The following GOSR2 variants were observed in gnomAD, a reference collection of about 807,000 sequenced individuals.
GOSR2 encodes golgi SNAP receptor complex member 2, also known as 27 kDa Golgi SNARE protein.
GOSR2 carries 20 observed loss-of-function variants against 27.9 expected under a neutral mutation model. The ratio of observed to expected loss-of-function variants is 0.72; its 90% CI spans 0.50 to 1.04. The LOEUF (loss-of-function observed/expected upper bound fraction) is 1.04, where lower values mean the gene tolerates loss of function less well. Ranked by LOEUF, GOSR2 falls within the 50% of genes least tolerant of loss-of-function variation. The pLI is 0.00. For synonymous variants in GOSR2, 91 were observed against 98.8 expected (o/e 0.92, Z 0.47); for missense variants, 261 against 270.5 (o/e 0.97, Z 0.25).
chr17:46,974,578 C>CA (rs1158595730), intron 6 of GOSR2, among the ~76,000 whole-genome samples: 4 of 152,028 alleles, frequency 2.6e-5, no homozygotes, highest in Non-Finnish European at 5.9e-5. Context: ...ACTAAAAATA[C>CA]AAAAAATTAG....
intron 6 of GOSR2, among the ~76,000 whole-genome samples, chr17:46,965,820 G>T (rs1187275597): frequency 6.7e-6 from 1 of 149,990 alleles, no homozygotes; most frequent in Non-Finnish European, 1.5e-5. Context: ...TTGTAGAGGC[G>T]GGGTCTCATT....
Position 46,940,557 on chromosome 17 carries a change from AC to A in GOSR2, c.*1800del. ...GGCAAGGCTGTCCTGTCCCCCAGGC[AC>A]CCAAGGATCCTGCCAGACAGCACAC... is the stretch of plus-strand genomic sequence containing the variant. On this transcript the variant is annotated 3_prime_UTR_variant, in exon 6 of 6. Transcript: ENST00000640051. 6.2e-7 allele frequency: 1 copy of A among 1,614,124 alleles called. No individual in the cohort carries two copies. The highest frequency in any genetic ancestry group is 8.5e-7 in the Non-Finnish European group (1 of 1,180,008).
chr17:46,940,925 A>G lies in GOSR2; in HGVS notation c.*2165A>G. 1 of 1,311,642 alleles carries G rather than the reference A, an allele frequency of 7.6e-7. No homozygotes were observed. The highest frequency in any genetic ancestry group is 9.8e-7 in the Non-Finnish European group (1 of 1,021,730). 81.3% of individuals were successfully genotyped at this position (1,311,642 alleles called of 1,614,324 possible). On this transcript the variant is annotated 3_prime_UTR_variant, in exon 6 of 6. Coordinates refer to ENST00000640051, the MANE Select transcript of GOSR2 (RefSeq NM_004287.5). ...ATCTGCTTTCAGTGCCTGGTGAAAA[A>G]TAGACCTTGGCCTAACAGTGTGACT... is the stretch of plus-strand genomic sequence containing the variant.
At chr17:46,967,192 G>A (rs1334824967), downstream of GOSR2, among the ~76,000 whole-genome samples, 2 of 152,230 alleles carry the variant, frequency 1.3e-5, no homozygotes, top group South Asian at 2.1e-4. Context: ...CACTGTGGCC[G>A]TGTTACCTCC....
downstream of GOSR2, among the ~76,000 whole-genome samples, chr17:46,944,224 G>T (rs188314116): frequency 4.4e-4 from 67 of 152,376 alleles, no homozygotes; most frequent in Admixed American, 4.1e-3. Context: ...TCAGGGCAGA[G>T]GGAAGGAGTT....
chr17:46,935,874 T>C lies in GOSR2; in HGVS notation c.477+705T>C, dbSNP rs182868750. The C allele has an allele frequency of 1.0e-4, 103 of 985,988 alleles. 1 individual carries two copies. The African/African-American group carries it at 1.5e-3, about 15-fold the overall frequency. The allele number at this position is 985,988 out of a possible 1,614,324, so 61.1% of individuals were successfully genotyped here. A position where few individuals can be genotyped will look rare whatever the true frequency, so the allele number is the denominator to read the frequency against. Reference sequence around the variant, plus strand: ...TTCCTGTATCAACCCTGATGGATAATAGGGCGTGGGTTCTGTCTGTTATCA... The same window carrying C: ...TTCCTGTATCAACCCTGATGGATAACAGGGCGTGGGTTCTGTCTGTTATCA... On this transcript the variant is annotated intron_variant, in intron 5 of 5. Transcript: ENST00000640051.
intron 6 of GOSR2, among the ~76,000 whole-genome samples, chr17:46,960,803 A>G (rs768606081): frequency 3.3e-5 from 5 of 152,242 alleles, no homozygotes; most frequent in Non-Finnish European, 7.3e-5. Flanking sequence ...AGGAAAAGAA[A>G]AACCACAGGG....
chr17:46,935,246 T>G (rs1039086256), intron 5 of GOSR2, 77 bp downstream of exon 5: 1 of 1,609,732 alleles, frequency 6.2e-7, no homozygotes, highest in Non-Finnish European at 8.5e-7. Context: ...TGTGTTTATA[T>G]TTTGATTACG....
intron 5 of GOSR2, 116 bp from the exon 6 acceptor site, chr17:46,938,483 T>C (rs1203251179): frequency 6.6e-7 from 1 of 1,526,676 alleles, no homozygotes; most frequent in African/African-American, 1.4e-5. Context: ...TTTCTGTGTA[T>C]TCTGGGCATG....
Position 46,940,388 on chromosome 17 carries a change from G to T in GOSR2, c.*1628G>T, listed in dbSNP as rs1198554315. ...TAAAGCAGTGACTGGAGGGTGGACT[G>T]GGGGGTTGCAGCATCTTTAGACCTA... On this transcript the variant is annotated 3_prime_UTR_variant, in exon 6 of 6. Transcript: ENST00000640051. 28 of 1,543,490 alleles carry T rather than the reference G, an allele frequency of 1.8e-5. No homozygotes were observed. In the East Asian group the frequency reaches 4.2e-4, roughly 23 times the overall value.
rs1200752759 is a variant in GOSR2, at chr17:46,923,231, G to T, written c.29+10G>T. On this transcript the variant is annotated intron_variant, in intron 1 of 5. Transcript: ENST00000640051. ...TCCAGCAAACGCACAAGTGAGGGCC[G>T]GTCGGGGAGCGGGCAGGGGCTAGAC... is the stretch of plus-strand genomic sequence containing the variant. 1 of 1,550,956 alleles carries T rather than the reference G, an allele frequency of 6.4e-7. No homozygotes were observed. The highest frequency in any genetic ancestry group is 8.7e-7 in the Non-Finnish European group (1 of 1,146,446).
chr17:46,959,382 G>A (rs762893764), intron 6 of GOSR2, among the ~76,000 whole-genome samples: 3 of 152,128 alleles, frequency 2.0e-5, no homozygotes, highest in Non-Finnish European at 4.4e-5. Context: ...TTTTTGTCTG[G>A]TAGTCCTCAA....
chr17:46,939,704 C>G lies in GOSR2; in HGVS notation c.*944C>G. On this transcript the variant is annotated 3_prime_UTR_variant, in exon 6 of 6. Coordinates refer to ENST00000640051, the MANE Select transcript of GOSR2 (RefSeq NM_004287.5). ...CCTCATTTTGCCCAGCCAGTGTGGG[C>G]AGATCCCACCGTGGAGACATCTGTA... The G allele has an allele frequency of 7.1e-6, 7 of 985,438 alleles. No individual in the cohort carries two copies. The highest frequency in any genetic ancestry group is 7.2e-6 in the Non-Finnish European group (6 of 829,904). The allele number at this position is 985,438 out of a possible 1,614,324, so 61.0% of individuals were successfully genotyped here.
chr17:46,924,851 T>C (rs2086250004), intron 1 of GOSR2, among the ~76,000 whole-genome samples: 1 of 152,222 alleles, frequency 6.6e-6, no homozygotes, highest in South Asian at 2.1e-4. Flanking sequence ...CAGGGCACAA[T>C]GGGCATAGTA....
chr17:46,971,769 C>T (rs964413875), downstream of GOSR2, among the ~76,000 whole-genome samples: 6 of 152,226 alleles, frequency 3.9e-5, no homozygotes, highest in Admixed American at 2.0e-4. Flanking sequence ...TCTCACGCCT[C>T]AAGCTCTGTG....
At chr17:46,936,773 A>G (rs1426367760) in intron 5 of GOSR2, 3 of 982,746 alleles carry the variant, frequency 3.1e-6, no homozygotes, top group East Asian at 1.1e-4. Flanking sequence ...TATTGTCACT[A>G]TCTCGGGGAA....
At chr17:46,971,082 G>A (rs1184336347), downstream of GOSR2, among the ~76,000 whole-genome samples, 1 of 152,086 alleles carries the variant, frequency 6.6e-6, no homozygotes, top group Non-Finnish European at 1.5e-5. Flanking sequence ...CCGGTGCGGT[G>A]GCTCATGCCT....
chr17:46,923,566 G>A (rs1198938533), intron 1 of GOSR2: 1 of 1,315,410 alleles, frequency 7.6e-7, no homozygotes, highest in Non-Finnish European at 9.6e-7. Flanking sequence ...TAGACCTCGA[G>A]AGGAGACACG....
At chr17:46,928,899 T>G (rs1209888003) in intron 1 of GOSR2, among the ~76,000 whole-genome samples, 1 of 152,152 alleles carries the variant, frequency 6.6e-6, no homozygotes. Flanking sequence ...CTTACCTGGT[T>G]TCTCTTTCTC....
Sources: gnomAD v4.1 joint callset for allele counts (sites outside exome capture counted in the v4.1 genomes callset) on GRCh38, gnomAD v4.1.1 for gene constraint, MANE v1.5 for transcripts, NCBI Gene and HGNC (gene_info 2026-07-23, HGNC 2026-07-21) for gene names.